TNFRSF11A: variants seen among roughly 807,000 people sequenced by gnomAD.
TNFRSF11A encodes TNF receptor superfamily member 11a.
A neutral mutation model predicts 55.7 loss-of-function variants in TNFRSF11A; 32 were observed. The observed-to-expected ratio is 0.57, with a 90% CI of 0.43 to 0.77. The LOEUF (loss-of-function observed/expected upper bound fraction) is 0.77. TNFRSF11A is among the 30% of genes least tolerant of loss of function. TNFRSF11A has a pLI of 0.00. For synonymous variants in TNFRSF11A, 311 were observed against 331.0 expected, an observed-to-expected ratio of 0.94 and a Z score of 0.65; for missense variants, 753 against 809.8, an observed-to-expected ratio of 0.93 and a Z score of 0.85.
In TNFRSF11A at chr18:62,385,816, TCA is replaced by T. The variant is rs1281355834; in HGVS notation, c.*785_*786del. ...TACGTATTTTCTTTTGTGCCCCTGC[TCA>T]CAGTGTTTTAGAGATGGCTTTCCCA... On this transcript the variant is annotated 3_prime_UTR_variant, in exon 10 of 10. Coordinates refer to ENST00000586569, the MANE Select transcript of TNFRSF11A (RefSeq NM_003839.4). The T allele has an allele frequency of 3.9e-5, 6 of 152,264 alleles. No homozygotes were observed. Among genetic ancestry groups the T allele is most frequent in the African/African-American group, 1.4e-4 (6 of 41,446 alleles). The allele number at this position is 152,264 out of a possible 1,614,324, so 9.4% of individuals were successfully genotyped here. A position where few individuals can be genotyped will look rare whatever the true frequency, so the allele number is the denominator to read the frequency against.
intron 9 of TNFRSF11A, among the ~76,000 whole-genome samples, 185 bp from the exon 10 acceptor site, chr18:62,384,566 C>T (rs1911546072): frequency 6.8e-6 from 1 of 148,086 alleles, no homozygotes; most frequent in Non-Finnish European, 1.5e-5. Context: ...CTCTTCCATT[C>T]CTCTTTTCTC....
At position 62,375,498 on chromosome 18, in the gene TNFRSF11A, A is replaced by C. The variant is rs568760100; in HGVS notation, c.1567+6014A>C. Among the ~76,000 whole-genome samples the C allele has an allele frequency of 8.1e-4, 123 of 152,310 alleles. 2 individuals carry two copies. Among genetic ancestry groups the C allele is most frequent in the Middle Eastern group, 3.4e-3 (1 of 294 alleles). ...CAAATCATACTTTTGGGTAGCCTTC[A>C]AATTTCATCAGTCATATTGTGTTCA... is the stretch of plus-strand genomic sequence containing the variant. On this transcript the variant is annotated intron_variant, in intron 9 of 9. Transcript: ENST00000586569.
intron 1 of TNFRSF11A, among the ~76,000 whole-genome samples, chr18:62,347,370 A>T (rs1430009197): frequency 6.6e-6 from 1 of 152,198 alleles, no homozygotes. Flanking sequence ...CAAACTGATA[A>T]GAATCTCTGG....
chr18:62,374,561 G>C (rs1179043558), intron 9 of TNFRSF11A, among the ~76,000 whole-genome samples: 1 of 152,134 alleles, frequency 6.6e-6, no homozygotes, highest in Non-Finnish European at 1.5e-5. Context: ...GGTATTATTT[G>C]GCATAGTTCT....
intron 1 of TNFRSF11A, among the ~76,000 whole-genome samples, chr18:62,334,993 C>G (rs1182791167): frequency 6.6e-6 from 1 of 152,172 alleles, no homozygotes; most frequent in African/African-American, 2.4e-5. Flanking sequence ...GAACCTCTGT[C>G]TTAAACCTTA....
chr18:62,377,328 T>C (rs1910970095), intron 9 of TNFRSF11A, among the ~76,000 whole-genome samples: 1 of 152,272 alleles, frequency 6.6e-6, no homozygotes, highest in Non-Finnish European at 1.5e-5. Flanking sequence ...TTGGCAATTA[T>C]GACTACAGCT....
intron 9 of TNFRSF11A, chr18:62,372,889 C>G (rs1910645647): frequency 6.6e-6 from 1 of 152,122 alleles, no homozygotes; most frequent in Non-Finnish European, 1.5e-5. Flanking sequence ...CACAGAATAC[C>G]TATTTGTTTT....
chr18:62,325,363 GCGCCCGGCGGCGC>G lies in TNFRSF11A; in HGVS notation c.18_30del (p.Arg7CysfsTer172), dbSNP rs1338132991. 1 of 1,032,566 alleles carries G rather than the reference GCGCCCGGCGGCGC, an allele frequency of 9.7e-7. No homozygotes were observed. The highest frequency in any genetic ancestry group is 5.6e-5 in the Admixed American group (1 of 17,844). The allele number at this position is 1,032,566 out of a possible 1,614,324, so 64.0% of individuals were successfully genotyped here. On this transcript the variant is annotated frameshift_variant, in exon 1 of 10. Coordinates refer to ENST00000586569, the MANE Select transcript of TNFRSF11A (RefSeq NM_003839.4). LOFTEE classifies it high-confidence loss of function. This position sits in a 1 kb window ranked among gnomAD's most constrained non-coding sequence, Gnocchi z 4.7. ...AGCCTGTCCCGCGCCATGGCCCCGC[GCGCCCGGCGGCGC>G]CGCCCGCTGTTCGCGCTGCTGCTGC...
Position 62,325,315 on chromosome 18 carries a change from C to T in TNFRSF11A, c.-38C>T. On this transcript the variant is annotated 5_prime_UTR_variant, in exon 1 of 10. Coordinates refer to ENST00000586569, the MANE Select transcript of TNFRSF11A (RefSeq NM_003839.4). This position sits in a 1 kb window ranked among gnomAD's most constrained non-coding sequence, Gnocchi z 4.7. ...AGCCGCGCCCGCTGGGCCACAGAGG[C>T]CGCTGAGGCCGCGGCGCCCGCCAGC... The T allele has an allele frequency of 1.0e-6, 1 of 979,088 alleles. No individual in the cohort carries two copies. The highest frequency in any genetic ancestry group is 1.2e-6 in the Non-Finnish European group (1 of 820,022). The allele number at this position is 979,088 out of a possible 1,614,324, so 60.7% of individuals were successfully genotyped here. A position where few individuals can be genotyped will look rare whatever the true frequency, so the allele number is the denominator to read the frequency against.
chr18:62,379,209 C>A (rs960324096), intron 9 of TNFRSF11A, among the ~76,000 whole-genome samples: 1 of 152,188 alleles, frequency 6.6e-6, no homozygotes, highest in East Asian at 1.9e-4. Flanking sequence ...GCTTCTGTTA[C>A]TGTTATTATT....
intron 1 of TNFRSF11A, among the ~76,000 whole-genome samples, chr18:62,347,685 G>T (rs917968020): frequency 6.6e-6 from 1 of 152,126 alleles, no homozygotes; most frequent in Non-Finnish European, 1.5e-5. Flanking sequence ...GGCCGAGGCG[G>T]GTGGATCACC....
At chr18:62,358,192 C>G in intron 4 of TNFRSF11A, 56 bp from the exon 5 acceptor site, 2 of 1,540,340 alleles carry the variant, frequency 1.3e-6, no homozygotes, top group East Asian at 4.5e-5. Context: ...CTCTAAGTGA[C>G]CTCGTTTGTT....
At chr18:62,348,451 A>G (rs867677522) in intron 2 of TNFRSF11A, among the ~76,000 whole-genome samples, 4 of 152,244 alleles carry the variant, frequency 2.6e-5, no homozygotes, top group African/African-American at 9.6e-5. Context: ...AGAAAAAAAC[A>G]AAAACAACTT....
chr18:62,348,207 C>A lies in TNFRSF11A; in HGVS notation c.115C>A (p.His39Asn). 1.2e-6 allele frequency: 2 copies of A among 1,614,104 alleles called. No individual in the cohort carries two copies. The highest frequency in any genetic ancestry group is 1.7e-6 in the Non-Finnish European group (2 of 1,180,034). ...CGCTCCTCCATGTACCAGTGAGAAG[C>A]ATTATGAGCATCTGGGACGGTGCTG... Reference protein sequence around the residue: ...QIAPPCTSEKHYEHLGRCCNK... With the variant: ...QIAPPCTSEKNYEHLGRCCNK... The change falls in exon 2 of 10, where the codon CAT (histidine) becomes AAT (asparagine). Residue 39 changes from histidine to asparagine, a missense_variant. Coordinates refer to ENST00000586569, the MANE Select transcript of TNFRSF11A (RefSeq NM_003839.4).
chr18:62,334,803 C>T (rs889634872), intron 1 of TNFRSF11A, among the ~76,000 whole-genome samples: 4 of 152,124 alleles, frequency 2.6e-5, no homozygotes, highest in Non-Finnish European at 4.4e-5. Flanking sequence ...CTCTGGGTCA[C>T]GGTCAGTCTC....
chr18:62,348,586 C>T (rs576700696), intron 2 of TNFRSF11A, among the ~76,000 whole-genome samples: 1 of 152,300 alleles, frequency 6.6e-6, no homozygotes, highest in South Asian at 2.1e-4. Flanking sequence ...ATGTGAAATG[C>T]AGCTCTTACT....
At chr18:62,375,549 C>T (rs754072840) in intron 9 of TNFRSF11A, among the ~76,000 whole-genome samples, 5 of 152,122 alleles carry the variant, frequency 3.3e-5, no homozygotes, top group Non-Finnish European at 5.9e-5. Context: ...GGTTCGATAG[C>T]CTGAAGGTTA....
rs1001798947 is a variant in TNFRSF11A at position 62,386,071 on chromosome 18, G to A, written c.*1037G>A. ...CTAAGCTCAGTATGTGACCTTACCCGCTAGGTGGTTAATTTATCCATGCTG... is the reference window on the plus strand; with the variant it reads ...CTAAGCTCAGTATGTGACCTTACCCACTAGGTGGTTAATTTATCCATGCTG... On this transcript the variant is annotated 3_prime_UTR_variant, in exon 10 of 10. Coordinates refer to ENST00000586569, the MANE Select transcript of TNFRSF11A (RefSeq NM_003839.4). 3 of 152,230 alleles carry A rather than the reference G, an allele frequency of 2.0e-5. No individual in the cohort carries two copies. The highest frequency in any genetic ancestry group is 6.5e-5 in the Admixed American group (1 of 15,292). 9.4% of individuals were successfully genotyped at this position (152,230 alleles called of 1,614,324 possible).
At chr18:62,343,656 G>C (rs533142616) in intron 1 of TNFRSF11A, among the ~76,000 whole-genome samples, 77 of 152,260 alleles carry the variant, frequency 5.1e-4, no homozygotes, top group African/African-American at 1.8e-3. Context: ...TATTCTAGAA[G>C]AGTCCATCAG....
Sources: allele counts gnomAD v4.1 joint callset (sites outside exome capture counted in the v4.1 genomes callset), GRCh38; gene constraint gnomAD v4.1.1; non-coding constraint Gnocchi (gnomAD v3.1); transcripts MANE v1.5; gene names NCBI Gene and HGNC (gene_info 2026-07-23, HGNC 2026-07-21).